HS6ST2: variants seen among roughly 807,000 people sequenced by gnomAD.
The protein encoded by HS6ST2 is heparan sulfate 6-O-sulfotransferase 2.
HS6ST2 carries 17 observed loss-of-function variants against 33.0 expected under a neutral mutation model. The observed-to-expected ratio is 0.52, with a 90% confidence interval of 0.35 to 0.77. HS6ST2 has a LOEUF of 0.77. Ranked by LOEUF, HS6ST2 falls within the 30% of genes least tolerant of loss-of-function variation. The pLI, the probability that HS6ST2 is intolerant of heterozygous loss-of-function variation, is 0.01. For synonymous variants in HS6ST2, 248 were observed against 237.1 expected, an observed-to-expected ratio of 1.05 and a Z score of -0.42; for missense variants, 519 against 551.7, an observed-to-expected ratio of 0.94 and a Z score of 0.59.
In HS6ST2 at chrX:132,743,170, T is replaced by C. The variant is rs1323485465; in HGVS notation, c.948-34676A>G. ...ATCATGGGCCAAAACCCAAGAGATA[T>C]TTGACAAGGATAAAGGTCAAGCTGC... On this transcript the variant is annotated intron_variant, in intron 2 of 4. Transcript: ENST00000370833. 3.6e-5 allele frequency among the ~76,000 whole-genome samples: 4 copies of C among 112,417 alleles called. No homozygotes were observed. The Admixed American group carries it at 3.8e-4, about 11-fold the overall frequency.
chrX:132,924,528 C>A (rs192792574), intron 2 of HS6ST2, among the ~76,000 whole-genome samples: 1 of 111,691 alleles, frequency 9.0e-6, no homozygotes, highest in African/African-American at 3.2e-5. Flanking sequence ...GTTGGAATCT[C>A]TGAAGTGATA....
intron 2 of HS6ST2, among the ~76,000 whole-genome samples, chrX:132,811,167 C>T (rs923126924): frequency 9.0e-6 from 1 of 111,161 alleles, no homozygotes; most frequent in African/African-American, 3.3e-5. Flanking sequence ...TGTCAGCTGG[C>T]TTAAATGTAA....
chrX:132,802,390 C>T (rs1394480487), intron 2 of HS6ST2, among the ~76,000 whole-genome samples: 8 of 111,747 alleles, frequency 7.2e-5, no homozygotes, highest in Non-Finnish European at 1.5e-4. Context: ...AAGAGAAGCC[C>T]GGATGCATCT....
At chrX:132,747,023 T>A (rs2064651877) in intron 2 of HS6ST2, among the ~76,000 whole-genome samples, 1 of 112,447 alleles carries the variant, frequency 8.9e-6, no homozygotes, top group African/African-American at 3.2e-5. Flanking sequence ...TTGTCTACTT[T>A]GGGCTGGACC....
intron 4 of HS6ST2, among the ~76,000 whole-genome samples, chrX:132,639,678 A>AATCT (rs1273922057): frequency 1.8e-5 from 2 of 111,678 alleles, no homozygotes; most frequent in Non-Finnish European, 3.8e-5. Context: ...CCATCCCTTG[A>AATCT]GGATTGGCAT....
chrX:132,808,845 G>C (rs1426528665), intron 2 of HS6ST2: 1 of 112,075 alleles, frequency 8.9e-6, no homozygotes, highest in Non-Finnish European at 1.9e-5. Context: ...GGTAGAGAAT[G>C]ACCATCGCAC....
intron 4 of HS6ST2, among the ~76,000 whole-genome samples, chrX:132,667,119 T>A (rs2063815705): frequency 9.0e-6 from 1 of 111,368 alleles, no homozygotes; most frequent in South Asian, 3.9e-4. Context: ...CTGCTCCTGT[T>A]GAAAATGATA....
intron 4 of HS6ST2, among the ~76,000 whole-genome samples, chrX:132,640,430 C>G (rs243449): frequency 0.45 from 49,274 of 110,213 alleles, 9,603 homozygotes; most frequent in African/African-American, 0.76. Flanking sequence ...GAGCAAAACA[C>G]ACAGGAAACT....
chrX:132,956,488 A>G (rs1293510864), intron 2 of HS6ST2, among the ~76,000 whole-genome samples: 1 of 111,930 alleles, frequency 8.9e-6, no homozygotes, highest in East Asian at 2.9e-4. Context: ...AGGGCTCTCC[A>G]GTGCGGAGAC....
intron 2 of HS6ST2, among the ~76,000 whole-genome samples, chrX:132,732,552 G>T (rs1323766945): frequency 9.0e-6 from 1 of 111,257 alleles, no homozygotes; most frequent in Non-Finnish European, 1.9e-5. Flanking sequence ...GGAGATAATT[G>T]AATCATGGGG....
Position 132,632,522 on chromosome X carries a change from A to G in HS6ST2, c.1068-3429T>C, listed in dbSNP as rs143775004. On this transcript the variant is annotated intron_variant, in intron 4 of 4. Transcript: ENST00000370833. ...GCTGGGGTCGGGGGCAAACAGAGAC[A>G]TGGCCAGTTTTCCCTCAGTGGTCAG... Among the ~76,000 whole-genome samples the G allele has an allele frequency of 7.2e-5, 8 of 110,551 alleles. No individual in the cohort carries two copies. The East Asian group carries it at 2.0e-3, about 28-fold the overall frequency.
intron 2 of HS6ST2, among the ~76,000 whole-genome samples, chrX:132,872,072 T>C (rs1363278020): frequency 9.0e-6 from 1 of 111,305 alleles, no homozygotes; most frequent in African/African-American, 3.3e-5. Context: ...CCAAGATTAG[T>C]TGGTATGTGC....
At chrX:132,711,849 T>C (rs937142570) in intron 2 of HS6ST2, among the ~76,000 whole-genome samples, 3 of 111,453 alleles carry the variant, frequency 2.7e-5, no homozygotes, top group South Asian at 3.9e-4. Context: ...AAAAATCGAA[T>C]TGATGAACAA....
chrX:132,815,868 G>A (rs2065389500), intron 2 of HS6ST2, among the ~76,000 whole-genome samples: 1 of 111,475 alleles, frequency 9.0e-6, no homozygotes, highest in Non-Finnish European at 1.9e-5. Context: ...GATGGCTAAA[G>A]GATGCAGGGT....
chrX:132,858,746 T>C (rs2065879148), intron 2 of HS6ST2, among the ~76,000 whole-genome samples: 1 of 112,369 alleles, frequency 8.9e-6, no homozygotes, highest in African/African-American at 3.2e-5. Flanking sequence ...AAGCACTTCC[T>C]CTAGCACACA....
chrX:132,736,006 G>A lies in HS6ST2; in HGVS notation c.948-27512C>T, dbSNP rs922688565. On this transcript the variant is annotated intron_variant, in intron 2 of 4. Transcript: ENST00000370833. ...ATGCCATGCGTGCACCACCAGGCCCGGCTAATTTTTGTATTTTTAGTAGAG... is the reference window on the plus strand; with the variant it reads ...ATGCCATGCGTGCACCACCAGGCCCAGCTAATTTTTGTATTTTTAGTAGAG... 1.5e-4 allele frequency among the ~76,000 whole-genome samples: 16 copies of A among 110,203 alleles called. No homozygotes were observed. The East Asian group carries it at 1.7e-3, about 12-fold the overall frequency.
At chrX:132,663,048 CT>C (rs2063785043) in intron 4 of HS6ST2, among the ~76,000 whole-genome samples, 1 of 111,829 alleles carries the variant, frequency 8.9e-6, no homozygotes, top group East Asian at 2.8e-4. Flanking sequence ...GAGAGCCTTA[CT>C]TAGTTTATGA....
intron 2 of HS6ST2, among the ~76,000 whole-genome samples, chrX:132,815,502 G>A (rs2065386039): frequency 8.9e-6 from 1 of 111,805 alleles, no homozygotes; most frequent in Admixed American, 9.6e-5. Context: ...TAGAATCCAT[G>A]CTCTCAACTG....
At chrX:132,738,774 C>A (rs914786994) in intron 2 of HS6ST2, among the ~76,000 whole-genome samples, 3 of 112,015 alleles carry the variant, frequency 2.7e-5, no homozygotes, top group African/African-American at 9.7e-5. Context: ...CTACTCTGGA[C>A]CTTAGCTAGC....
Sources: gnomAD v4.1 joint callset for allele counts (sites outside exome capture counted in the v4.1 genomes callset) on GRCh38, gnomAD v4.1.1 for gene constraint, MANE v1.5 for transcripts, NCBI Gene and HGNC (gene_info 2026-07-23, HGNC 2026-07-21) for gene names.